The following CDKN2A variants were observed in gnomAD, a reference collection of about 807,000 sequenced individuals.
The protein encoded by CDKN2A is cyclin-dependent kinase inhibitor 2A.
CDKN2A carries 3 observed loss-of-function variants against 11.1 expected under a neutral mutation model. The ratio of observed to expected loss-of-function variants is 0.27; its 90% CI spans 0.12 to 0.70. The LOEUF is 0.70. Among genes scored for constraint, CDKN2A ranks in the 30% least tolerant of loss-of-function variants. The pLI is 0.77. For synonymous variants in CDKN2A, 122 were observed against 108.1 expected, an observed-to-expected ratio of 1.13 and a Z score of -0.80; for missense variants, 265 against 233.6, an observed-to-expected ratio of 1.13 and a Z score of -0.88.
rs1312648638 is a variant in CDKN2A, at chr9:21,974,583, A to C, written c.150+95T>G. 5.0e-6 allele frequency: 8 copies of C among 1,613,768 alleles called. No individual in the cohort carries two copies. Among genetic ancestry groups the C allele is most frequent in the Non-Finnish European group, 6.8e-6 (8 of 1,180,016 alleles). On this transcript the variant is annotated intron_variant, in intron 1 of 2. Transcript: ENST00000304494. This position sits in a 1 kb window ranked among gnomAD's most constrained non-coding sequence, Gnocchi z 5.2. ...CCCAGGAAGCCTCCCCTTTTTCCGG[A>C]GAATCGAAGCGCTACCTGATTCCAA...
upstream of CDKN2A, chr9:21,974,906 G>T: frequency 6.9e-7 from 1 of 1,444,386 alleles, no homozygotes; most frequent in South Asian, 1.5e-5. The surrounding 1 kb of genome is among the most constrained non-coding windows in gnomAD (Gnocchi z 5.2). Flanking sequence ...ACCCTCTGGT[G>T]ACCAGCCAGC....
chr9:21,977,752 G>T (rs1054047085), upstream of CDKN2A, among the ~76,000 whole-genome samples: 4 of 152,168 alleles, frequency 2.6e-5, no homozygotes, highest in Admixed American at 2.6e-4. Context: ...TCTCAAAAAA[G>T]AAAGTAGGTA....
intron 2 of CDKN2A, among the ~76,000 whole-genome samples, chr9:21,986,472 A>G (rs1008200686): frequency 3.3e-5 from 5 of 152,046 alleles, no homozygotes; most frequent in African/African-American, 1.2e-4. Context: ...GTTAACTAAA[A>G]GAGATGGAAC....
chr9:21,987,091 G>T (rs540670375), intron 2 of CDKN2A, among the ~76,000 whole-genome samples: 20 of 151,978 alleles, frequency 1.3e-4, no homozygotes, highest in South Asian at 8.3e-4. Context: ...GCAGAAAAAT[G>T]ATCATTTGAA....
rs267602199 is a variant in CDKN2A, at chr9:21,974,555, C to T, written c.150+123G>A. 23 of 1,613,382 alleles carry T rather than the reference C, an allele frequency of 1.4e-5. 1 individual carries two copies. The South Asian group carries it at 2.5e-4, about 18-fold the overall frequency. ...TGTGATTACAAACCCCTTCTGAAAA[C>T]TCCCCAGGAAGCCTCCCCTTTTTCC... is the stretch of plus-strand genomic sequence containing the variant. On this transcript the variant is annotated intron_variant, in intron 1 of 2. Coordinates refer to ENST00000304494, the MANE Select transcript of CDKN2A (RefSeq NM_000077.5). The surrounding 1 kb of genome is among the most constrained non-coding windows in gnomAD (Gnocchi z 5.2).
rs1819527750 is a variant in CDKN2A at position 21,968,642 on chromosome 9, T to G, written c.458-400A>C. ...CGCATCCCCAGGCATCTTTTGCACC[T>G]GGTGCGGAGTGAGCCAGCCAGCTTG... On this transcript the variant is annotated intron_variant, in intron 2 of 2. Transcript: ENST00000304494. This position sits in a 1 kb window ranked among gnomAD's most constrained non-coding sequence, Gnocchi z 4.7. 6.5e-7 allele frequency: 1 copy of G among 1,527,984 alleles called. No individual in the cohort carries two copies. The allele number at this position is 1,527,984 out of a possible 1,614,324, so 94.7% of individuals were successfully genotyped here.
chr9:21,978,158 C>T (rs1012376989), upstream of CDKN2A, among the ~76,000 whole-genome samples: 6 of 150,992 alleles, frequency 4.0e-5, no homozygotes, highest in South Asian at 2.1e-4. Flanking sequence ...AGGAGATATA[C>T]CTAATGCTAA....
upstream of CDKN2A, among the ~76,000 whole-genome samples, chr9:21,977,513 A>G (rs577403602): frequency 6.6e-6 from 1 of 152,194 alleles, no homozygotes; most frequent in African/African-American, 2.4e-5. Flanking sequence ...TTACAGGCAC[A>G]TGCTGCCATA....
At chr9:21,990,213 A>G (rs1435373211) in intron 2 of CDKN2A, among the ~76,000 whole-genome samples, 1 of 152,168 alleles carries the variant, frequency 6.6e-6, no homozygotes, top group Admixed American at 6.5e-5. Context: ...TGCTGTGACC[A>G]GAGGCCTAAC....
chr9:21,969,855 T>C, intron 2 of CDKN2A: 1 of 398,140 alleles, frequency 2.5e-6, no homozygotes, highest in Non-Finnish European at 4.4e-6. Flanking sequence ...TTCGCGTCTT[T>C]AACTTCGAAG....
chr9:21,990,706 C>T (rs1820413268), intron 2 of CDKN2A, among the ~76,000 whole-genome samples: 1 of 145,720 alleles, frequency 6.9e-6, no homozygotes, highest in Admixed American at 7.0e-5. Context: ...ATAATGCAAT[C>T]ATTTAACAGT....
Position 21,985,169 on chromosome 9 carries a change from C to T in CDKN2A, c.-4+8713G>A, listed in dbSNP as rs1225690674. Reference sequence around the variant, plus strand: ...TAGAGTTTTATCTTTTGTGTTGTTACGGTTAAGATGATAACTTCCATAATT... The same window carrying T: ...TAGAGTTTTATCTTTTGTGTTGTTATGGTTAAGATGATAACTTCCATAATT... On this transcript the variant is annotated intron_variant, in intron 2 of 3. Transcript: ENST00000494262. 3.3e-5 allele frequency among the ~76,000 whole-genome samples: 5 copies of T among 151,836 alleles called. No homozygotes were observed. The East Asian group carries it at 7.7e-4, about 23-fold the overall frequency.
upstream of CDKN2A, among the ~76,000 whole-genome samples, chr9:21,976,543 C>T (rs1820036235): frequency 1.3e-5 from 2 of 152,036 alleles, no homozygotes; most frequent in Admixed American, 1.3e-4. Context: ...TGGCGAAACC[C>T]TGTCTCTACT....
chr9:21,973,218 A>G (rs542657799), intron 1 of CDKN2A, among the ~76,000 whole-genome samples: 3 of 152,212 alleles, frequency 2.0e-5, no homozygotes, highest in Non-Finnish European at 4.4e-5. Flanking sequence ...ATCATGATAG[A>G]AATCCAAAGC....
chr9:21,982,593 A>G (rs1820219296), intron 2 of CDKN2A, among the ~76,000 whole-genome samples: 1 of 152,110 alleles, frequency 6.6e-6, no homozygotes, highest in African/African-American at 2.4e-5. Flanking sequence ...TACATACTAT[A>G]TGCACATATT....
At chr9:21,976,725 A>G (rs574865901), upstream of CDKN2A, among the ~76,000 whole-genome samples, 16 of 152,204 alleles carry the variant, frequency 1.1e-4, no homozygotes, top group African/African-American at 3.4e-4. Context: ...TCTCAAGAAA[A>G]AAAGAAAGAA....
upstream of CDKN2A, among the ~76,000 whole-genome samples, chr9:21,977,510 C>T (rs1210975010): frequency 1.3e-5 from 2 of 152,132 alleles, no homozygotes; most frequent in Non-Finnish European, 2.9e-5. Flanking sequence ...GGATTACAGG[C>T]ACATGCTGCC....
At chr9:21,973,351 C>T (rs1819868973) in intron 1 of CDKN2A, among the ~76,000 whole-genome samples, 1 of 152,102 alleles carries the variant, frequency 6.6e-6, no homozygotes, top group African/African-American at 2.4e-5. Context: ...AATAAATGTT[C>T]CTATATTAAA....
At chr9:21,990,611 T>TGAGAGAGAGAGAGAGAGGAGAGA (rs1820406148) in intron 2 of CDKN2A, among the ~76,000 whole-genome samples, 1 of 89,676 alleles carries the variant, frequency 1.1e-5, no homozygotes, top group East Asian at 4.5e-4. Flanking sequence ...ACTAATTTGG[T>TGAGAGAGAGAGAGAGAGGAGAGA]GAGAGAGAGA....
Sources: allele counts gnomAD v4.1 joint callset (sites outside exome capture counted in the v4.1 genomes callset), GRCh38; gene constraint gnomAD v4.1.1; non-coding constraint Gnocchi (gnomAD v3.1); transcripts MANE v1.5; gene names NCBI Gene and HGNC (gene_info 2026-07-23, HGNC 2026-07-21).